Variants in FHOD3 observed in about 807,000 individuals in gnomAD.
FHOD3 encodes the protein formin homology 2 domain containing 3, also known as FH1/FH2 domain-containing protein 3.
In FHOD3, 90 loss-of-function variants were observed where a neutral mutation model predicts 173.0. That is an observed-to-expected ratio of 0.52 (90% CI 0.44 to 0.62). The LOEUF is 0.62. Among genes scored for constraint, FHOD3 ranks in the 20% least tolerant of loss-of-function variants. FHOD3 has a pLI of 0.00. For synonymous variants in FHOD3, 828 were observed against 823.0 expected (o/e 1.01, Z -0.10); for missense variants, 1,945 against 2,034.7 (o/e 0.96, Z 0.85).
chr18:36,681,108 A>G (rs1205349251), intron 14 of FHOD3, among the ~76,000 whole-genome samples: 2 of 152,168 alleles, frequency 1.3e-5, no homozygotes. Context: ...ACATAGACCA[A>G]CTGTAAAATA....
At chr18:36,484,906 C>G (rs2054114958) in intron 3 of FHOD3, among the ~76,000 whole-genome samples, 1 of 152,132 alleles carries the variant, frequency 6.6e-6, no homozygotes. Flanking sequence ...GCTTCCTGTT[C>G]CTGGTCTGTT....
chr18:36,753,758 T>A (rs1224011603), intron 24 of FHOD3, among the ~76,000 whole-genome samples: 1 of 152,194 alleles, frequency 6.6e-6, no homozygotes, highest in Non-Finnish European at 1.5e-5. Flanking sequence ...TCCTGGTGGG[T>A]GTATGTGGTG....
intron 6 of FHOD3, among the ~76,000 whole-genome samples, chr18:36,590,168 A>G (rs1468518416): frequency 6.6e-6 from 1 of 152,098 alleles, no homozygotes; most frequent in African/African-American, 2.4e-5. Flanking sequence ...TGTGAATCTT[A>G]ATATCCACTC....
chr18:36,597,250 G>A (rs2030592067), intron 7 of FHOD3, among the ~76,000 whole-genome samples: 1 of 152,070 alleles, frequency 6.6e-6, no homozygotes, highest in Non-Finnish European at 1.5e-5. Context: ...CCAGGCCTTT[G>A]TGTATCATAT....
chr18:36,727,047 C>T (rs975371390), intron 19 of FHOD3, among the ~76,000 whole-genome samples: 2 of 149,310 alleles, frequency 1.3e-5, no homozygotes, highest in African/African-American at 2.5e-5. Context: ...AAGCAGGAGG[C>T]GAGTGCTGGG....
chr18:36,414,866 G>A (rs1055763452), intron 3 of FHOD3, among the ~76,000 whole-genome samples: 1 of 152,202 alleles, frequency 6.6e-6, no homozygotes, highest in Admixed American at 6.5e-5. Flanking sequence ...TTGGCTTGTG[G>A]CAGCAGGAGG....
intron 1 of FHOD3, among the ~76,000 whole-genome samples, chr18:36,320,127 AAGATC>A (rs1372494455): frequency 6.6e-6 from 1 of 152,218 alleles, no homozygotes; most frequent in Non-Finnish European, 1.5e-5. Context: ...AGAAAGAACT[AAGATC>A]AGAGCAGAAC....
At chr18:36,334,810 A>G (rs1169530584) in intron 1 of FHOD3, among the ~76,000 whole-genome samples, 1 of 152,232 alleles carries the variant, frequency 6.6e-6, no homozygotes, top group African/African-American at 2.4e-5. Context: ...TAGTGGAATA[A>G]AAGTGTGACT....
intron 14 of FHOD3, among the ~76,000 whole-genome samples, chr18:36,663,231 A>T (rs763437484): frequency 6.6e-6 from 1 of 152,220 alleles, no homozygotes; most frequent in Non-Finnish European, 1.5e-5. Flanking sequence ...GCAGAGGTCC[A>T]ACTTCAGCTT....
chr18:36,335,447 A>G (rs542526827), intron 1 of FHOD3, among the ~76,000 whole-genome samples: 19 of 151,352 alleles, frequency 1.3e-4, no homozygotes, highest in African/African-American at 4.6e-4. Flanking sequence ...GTGAGCCGAG[A>G]TCGCGCCACT....
At chr18:36,639,146 GC>G (rs2035100907) in intron 10 of FHOD3, among the ~76,000 whole-genome samples, 2 of 152,180 alleles carry the variant, frequency 1.3e-5, no homozygotes, top group African/African-American at 4.8e-5. Flanking sequence ...AGGGGACTAT[GC>G]TTAGTTCCTG....
At chr18:36,328,597 C>T (rs1364271772) in intron 1 of FHOD3, among the ~76,000 whole-genome samples, 2 of 152,110 alleles carry the variant, frequency 1.3e-5, no homozygotes, top group South Asian at 2.1e-4. Context: ...CACAAGAGAT[C>T]CCTCTGGCTG....
At chr18:36,724,625 C>T (rs2040961495) in intron 19 of FHOD3, among the ~76,000 whole-genome samples, 1 of 152,220 alleles carries the variant, frequency 6.6e-6, no homozygotes, top group African/African-American at 2.4e-5. Context: ...GAGTTTCCTG[C>T]TCGCCTAGAC....
chr18:36,678,000 A>G (rs1210560105), intron 14 of FHOD3, among the ~76,000 whole-genome samples: 1 of 152,200 alleles, frequency 6.6e-6, no homozygotes, highest in Non-Finnish European at 1.5e-5. Context: ...TGTAATTGCT[A>G]TTTCTATGTT....
chr18:36,705,208 C>T (rs1175046643), intron 17 of FHOD3, among the ~76,000 whole-genome samples: 1 of 152,192 alleles, frequency 6.6e-6, no homozygotes, highest in Non-Finnish European at 1.5e-5. Context: ...ACACACAGCG[C>T]TGGTTGCCCT....
At chr18:36,457,725 C>T (rs1048385747) in intron 3 of FHOD3, among the ~76,000 whole-genome samples, 11 of 152,050 alleles carry the variant, frequency 7.2e-5, no homozygotes, top group Non-Finnish European at 1.0e-4. Context: ...TGAGTTGGTA[C>T]CTGCTCTTTC....
chr18:36,703,318 C>T (rs1162632237), intron 17 of FHOD3, among the ~76,000 whole-genome samples: 1 of 152,098 alleles, frequency 6.6e-6, no homozygotes, highest in East Asian at 1.9e-4. Flanking sequence ...GGGGCTGAGC[C>T]AGGGAGAGGG....
chr18:36,594,948 A>AG (rs1261252194), intron 7 of FHOD3, 50 bp downstream of exon 7: 1 of 1,227,226 alleles, frequency 8.1e-7, no homozygotes, highest in African/African-American at 1.5e-5. Context: ...TGTCTAATGT[A>AG]GGGAGGCTTC....
chr18:36,451,372 T>C lies in FHOD3; in HGVS notation c.338-50560T>C, dbSNP rs549302495. On this transcript the variant is annotated intron_variant, in intron 3 of 28. Transcript: ENST00000590592. ...TATAGCCTTACGAAGCCAGTACCAGTTAAAGAAAGCATCCAATGGCCAAAA... is the reference window on the plus strand; with the variant it reads ...TATAGCCTTACGAAGCCAGTACCAGCTAAAGAAAGCATCCAATGGCCAAAA... Among the ~76,000 whole-genome samples, 14 of 152,356 alleles carry C rather than the reference T, an allele frequency of 9.2e-5. No individual in the cohort carries two copies. In the South Asian group the frequency reaches 2.1e-3, roughly 23 times the overall value.
Sources: allele counts gnomAD v4.1 joint callset (sites outside exome capture counted in the v4.1 genomes callset), GRCh38; gene constraint gnomAD v4.1.1; transcripts MANE v1.5; gene names NCBI Gene and HGNC (gene_info 2026-07-23, HGNC 2026-07-21).